The following DISC1 variants were observed in gnomAD, a reference collection of about 807,000 sequenced individuals.
DISC1 encodes the protein DISC1 scaffold protein.
DISC1 carries 57 observed loss-of-function variants against 84.5 expected under a neutral mutation model. The observed-to-expected ratio is 0.67, with a 90% CI of 0.55 to 0.84. The LOEUF (loss-of-function observed/expected upper bound fraction) is 0.84. Among genes scored for constraint, DISC1 ranks in the 40% least tolerant of loss-of-function variants. The pLI, the probability that DISC1 is intolerant of heterozygous loss-of-function variation, is 0.00. For missense variants in DISC1, 1,000 were observed against 1,057.8 expected (o/e 0.95, Z 0.76); for synonymous variants, 411 against 415.2 (o/e 0.99, Z 0.12).
chr1:231,692,176 G>A (rs1405573297), intron 1 of DISC1, among the ~76,000 whole-genome samples: 1 of 152,090 alleles, frequency 6.6e-6, no homozygotes, highest in Non-Finnish European at 1.5e-5. Flanking sequence ...GGTAAAATGG[G>A]AATAGTACCG....
chr1:231,664,595 G>A (rs1198707249), intron 1 of DISC1, among the ~76,000 whole-genome samples: 1 of 152,162 alleles, frequency 6.6e-6, no homozygotes, highest in African/African-American at 2.4e-5. Flanking sequence ...ATGCTCAACT[G>A]CTTTTGAAGA....
intron 9 of DISC1, among the ~76,000 whole-genome samples, chr1:231,823,356 A>G (rs1212039814): frequency 2.6e-5 from 4 of 152,254 alleles, no homozygotes; most frequent in African/African-American, 9.6e-5. Flanking sequence ...TAAAATTAGC[A>G]AACAACAATA....
At chr1:231,667,902 C>T (rs2062174401) in intron 1 of DISC1, among the ~76,000 whole-genome samples, 1 of 151,954 alleles carries the variant, frequency 6.6e-6, no homozygotes, top group Non-Finnish European at 1.5e-5. Flanking sequence ...AAAAGCTGTA[C>T]ATACTTAGCT....
intron 9 of DISC1, among the ~76,000 whole-genome samples, chr1:231,907,256 T>G (rs2088808951): frequency 6.6e-6 from 1 of 151,766 alleles, no homozygotes; most frequent in South Asian, 2.1e-4. Flanking sequence ...CATGTTGGTG[T>G]GCTGCACCCA....
At chr1:231,834,494 T>C (rs150810360) in intron 9 of DISC1, among the ~76,000 whole-genome samples, 30 of 152,282 alleles carry the variant, frequency 2.0e-4, no homozygotes, top group Admixed American at 5.2e-4. Flanking sequence ...ATGACAAGAA[T>C]TATTTAGATC....
intron 10 of DISC1, among the ~76,000 whole-genome samples, chr1:231,965,883 T>C (rs1268292003): frequency 6.6e-6 from 1 of 152,250 alleles, no homozygotes; most frequent in Admixed American, 6.5e-5. Flanking sequence ...CCCATAGTGG[T>C]AGCCATGTAC....
chr1:231,760,718 G>A (rs921015765), intron 4 of DISC1, among the ~76,000 whole-genome samples: 5 of 152,178 alleles, frequency 3.3e-5, no homozygotes, highest in Admixed American at 3.3e-4. Context: ...CAGTTCCGGT[G>A]CAGGATTTTC....
chr1:231,693,910 G>A lies in DISC1; in HGVS notation c.152G>A (p.Gly51Glu). The change falls in exon 2 of 13, where the codon GGG becomes GAG. Residue 51 changes from glycine to glutamate, a missense_variant. Around this residue, in one of 3 missense-constraint regions of DISC1, gnomAD observed 292 missense variants for 280.2 expected, o/e 1.04. Transcript: ENST00000439617. ...RRPGYMRSST[G>E]PGIGFLSPAV... ...CCGGGCTACATGAGAAGCTCGACAG[G>A]GCCTGGGATCGGGTTCCTTTCCCCA... The A allele has an allele frequency of 6.2e-7, 1 of 1,614,176 alleles. No individual in the cohort carries two copies.
At chr1:232,023,100 CT>C (rs11287575) in intron 11 of DISC1, among the ~76,000 whole-genome samples, 98,392 of 151,886 alleles carry the variant, frequency 0.65, 32,325 homozygotes, top group East Asian at 0.71. Flanking sequence ...TTTTTGATAA[CT>C]TTTTTTCCAA....
intron 9 of DISC1, among the ~76,000 whole-genome samples, chr1:231,891,007 C>A (rs958905690): frequency 6.6e-6 from 1 of 152,098 alleles, no homozygotes; most frequent in Non-Finnish European, 1.5e-5. Context: ...TGCACAGAAG[C>A]CTTAGGAAAC....
rs140887807 is a variant in DISC1 at position 231,713,937 on chromosome 1, G to T, written c.1117+11913G>T. 9.6e-3 allele frequency among the ~76,000 whole-genome samples: 1,439 copies of T among 150,606 alleles called. 24 individuals carry two copies. The highest frequency in any genetic ancestry group is 0.033 in the African/African-American group (1,341 of 41,156). ...ATAGTCAGAGCAAAATAGATAAAAG[G>T]CATCATAATGGAAGGGAACAAGTAA... On this transcript the variant is annotated intron_variant, in intron 3 of 12. Coordinates refer to ENST00000439617, the MANE Select transcript of DISC1 (RefSeq NM_018662.3).
intron 3 of DISC1, among the ~76,000 whole-genome samples, chr1:231,725,097 G>A (rs1573276567): frequency 1.3e-5 from 2 of 152,014 alleles, no homozygotes; most frequent in East Asian, 3.9e-4. Flanking sequence ...TGGTGTGGAA[G>A]CAGGGAGGGG....
chr1:231,832,649 C>T (rs1231241958), intron 9 of DISC1, among the ~76,000 whole-genome samples: 1 of 149,284 alleles, frequency 6.7e-6, no homozygotes, highest in Non-Finnish European at 1.5e-5. Context: ...CGAAGAGAGG[C>T]TGGGATGAAG....
intron 1 of DISC1, among the ~76,000 whole-genome samples, chr1:231,688,960 T>C (rs561347284): frequency 1.8e-4 from 27 of 152,342 alleles, no homozygotes; most frequent in Non-Finnish European, 3.5e-4. Context: ...TGAAGGAAGA[T>C]GGACTTTGGC....
chr1:231,911,698 T>C (rs890668375), intron 9 of DISC1, among the ~76,000 whole-genome samples: 1 of 152,204 alleles, frequency 6.6e-6, no homozygotes, highest in Non-Finnish European at 1.5e-5. Flanking sequence ...TTCTCTGTAT[T>C]TCCTGCATTT....
intron 9 of DISC1, among the ~76,000 whole-genome samples, chr1:231,820,963 G>A (rs867325668): frequency 1.8e-4 from 28 of 152,170 alleles, no homozygotes; most frequent in Admixed American, 1.2e-3. Flanking sequence ...TTAATGATGT[G>A]AAGTGTATCT....
intron 7 of DISC1, among the ~76,000 whole-genome samples, chr1:231,796,963 T>C (rs937515866): frequency 2.0e-5 from 3 of 152,174 alleles, no homozygotes; most frequent in Non-Finnish European, 4.4e-5. Context: ...GCGATCCTCC[T>C]GCCTCAGTGT....
chr1:231,713,639 A>G (rs944569407), intron 3 of DISC1, among the ~76,000 whole-genome samples: 7 of 149,478 alleles, frequency 4.7e-5, no homozygotes, highest in African/African-American at 1.5e-4. Context: ...AACGAAGAGA[A>G]GTAAAGAGAA....
At chr1:231,829,770 G>C (rs1190247853) in intron 9 of DISC1, among the ~76,000 whole-genome samples, 1 of 152,064 alleles carries the variant, frequency 6.6e-6, no homozygotes, top group Admixed American at 6.6e-5. Flanking sequence ...TGAAAAGAGA[G>C]TCAGCGAAGG....
Sources: allele counts gnomAD v4.1 joint callset (sites outside exome capture counted in the v4.1 genomes callset), GRCh38; gene constraint gnomAD v4.1.1; regional missense constraint gnomAD v4.1.1; transcripts MANE v1.5; gene names NCBI Gene and HGNC (gene_info 2026-07-23, HGNC 2026-07-21).